Variants in MKKS observed in about 807,000 individuals in gnomAD.
The protein encoded by MKKS is molecular chaperone MKKS.
In MKKS, 29 loss-of-function variants were observed where a neutral mutation model predicts 33.2. The observed-to-expected ratio is 0.87, with a 90% CI of 0.65 to 1.19. The LOEUF (loss-of-function observed/expected upper bound fraction) is 1.19, where lower values mean the gene tolerates loss of function less well. Ranked by LOEUF, MKKS falls within the 50% of genes most tolerant of loss-of-function variation. The probability of loss-of-function intolerance (pLI) is 0.00; values close to 1 mark genes in which losing one functional copy is unlikely to be tolerated. For missense variants in MKKS, 661 were observed against 662.3 expected (o/e 1.00, Z 0.02); for synonymous variants, 260 against 244.0 (o/e 1.07, Z -0.61).
intron 1 of MKKS, among the ~76,000 whole-genome samples, chr20:10,427,063 C>CACACACACACACACACACAA (rs2065020661): frequency 6.9e-6 from 1 of 145,394 alleles, no homozygotes; most frequent in African/African-American, 2.5e-5. Flanking sequence ...CACACACACA[C>CACACACACACACACACACAA]ACACACACAC....
chr20:10,430,138 A>G (rs552534442), intron 1 of MKKS, among the ~76,000 whole-genome samples: 2 of 152,374 alleles, frequency 1.3e-5, no homozygotes, highest in South Asian at 4.1e-4. Context: ...TTCTTAGTAC[A>G]GCAGAAAGAA....
intron 1 of MKKS, among the ~76,000 whole-genome samples, chr20:10,429,774 C>T (rs1472482834): frequency 1.3e-5 from 2 of 152,188 alleles, no homozygotes; most frequent in South Asian, 2.1e-4. Flanking sequence ...CACATGACCT[C>T]CTTGCTTCAA....
chr20:10,409,334 A>G (rs995000385), intron 3 of MKKS, among the ~76,000 whole-genome samples: 4 of 152,246 alleles, frequency 2.6e-5, no homozygotes, highest in Non-Finnish European at 5.9e-5. Flanking sequence ...TATTTATAAA[A>G]TAGCTAACTG....
At chr20:10,407,503 C>T (rs1180635132) in intron 5 of MKKS, 113 bp downstream of exon 5, 12 of 929,770 alleles carry the variant, frequency 1.3e-5, no homozygotes, top group South Asian at 2.8e-5. Context: ...ACCCCTGAAC[C>T]TAAAAGTTAA....
intron 1 of MKKS, among the ~76,000 whole-genome samples, chr20:10,430,207 C>T (rs2122285384): frequency 6.6e-6 from 1 of 152,260 alleles, no homozygotes; most frequent in Admixed American, 6.5e-5. Flanking sequence ...CACTTTAAAT[C>T]ATTTTTGTAA....
At chr20:10,422,485 G>A (rs2064987348) in intron 1 of MKKS, among the ~76,000 whole-genome samples, 1 of 152,104 alleles carries the variant, frequency 6.6e-6, no homozygotes, top group Non-Finnish European at 1.5e-5. Context: ...ACTGGGGGAG[G>A]AATTTAGAGT....
intron 1 of MKKS, among the ~76,000 whole-genome samples, chr20:10,428,319 A>T (rs2065030189): frequency 6.6e-6 from 1 of 152,232 alleles, no homozygotes; most frequent in Non-Finnish European, 1.5e-5. Flanking sequence ...GTTCCAGATC[A>T]GATACCTAGA....
intron 2 of MKKS, among the ~76,000 whole-genome samples, chr20:10,416,223 T>C (rs1166562333): frequency 2.0e-5 from 3 of 152,108 alleles, no homozygotes; most frequent in Non-Finnish European, 4.4e-5. Context: ...TTCTTCTAAA[T>C]TAAGAGGTGC....
rs531181962 is a variant in MKKS, at chr20:10,422,797, C to T, written c.-648-2039G>A. ...TGCGATCTCAGCTCACTGCAAGCTC[C>T]GCCTCCCAGGTTCACGCCATTCTCC... On this transcript the variant is annotated intron_variant, in intron 1 of 5. Transcript: ENST00000347364. Among the ~76,000 whole-genome samples, 112 of 151,734 alleles carry T rather than the reference C, an allele frequency of 7.4e-4. 1 individual carries two copies. Among genetic ancestry groups the T allele is most frequent in the African/African-American group, 2.4e-3 (100 of 41,356 alleles).
In MKKS at chr20:10,413,638, C is replaced by A; in HGVS notation, c.-124G>T. On this transcript the variant is annotated 5_prime_UTR_variant, in exon 3 of 6. The change abolishes an upstream ATG in the 5' untranslated region. Coordinates refer to ENST00000347364, the MANE Select transcript of MKKS (RefSeq NM_170784.3). ...TAGGAATTAAAGTATGAATATGCAG[C>A]ATTGTGGCTATAAAATCAAAAAGTT... The A allele has an allele frequency of 9.3e-7, 1 of 1,077,974 alleles. No homozygotes were observed. 66.8% of individuals were successfully genotyped at this position (1,077,974 alleles called of 1,614,324 possible).
In MKKS at chr20:10,405,361, T is replaced by C; in HGVS notation, c.1599A>G (p.Ser533=). The C allele has an allele frequency of 1.2e-6, 2 of 1,614,240 alleles. No individual in the cohort carries two copies. The highest frequency in any genetic ancestry group is 1.7e-6 in the Non-Finnish European group (2 of 1,180,034). The change falls in exon 6 of 6, where the codon TCA becomes TCG. Residue 533 remains serine, a synonymous_variant. Transcript: ENST00000347364. ...AACAGTCCAAGGTCAGGTTGCTGGCTGAGCCCACAGCTTCATGTGGAAGGC... is the reference window on the plus strand; with the variant it reads ...AACAGTCCAAGGTCAGGTTGCTGGCCGAGCCCACAGCTTCATGTGGAAGGC... ...QSCLPHEAVG[S]ASNLTLDCLT... is the part of the protein sequence containing the mutation.
intron 2 of MKKS, among the ~76,000 whole-genome samples, chr20:10,417,814 C>T (rs2064951194): frequency 6.6e-6 from 1 of 151,816 alleles, no homozygotes; most frequent in Non-Finnish European, 1.5e-5. Flanking sequence ...TGAAAGTAGC[C>T]TCTTGATATA....
chr20:10,414,472 C>T (rs3790154), intron 2 of MKKS, among the ~76,000 whole-genome samples: 21,868 of 151,858 alleles, frequency 0.14, 1,769 homozygotes, highest in East Asian at 0.24. Context: ...TCCATGTTTG[C>T]CAGGTTGGTC....
At chr20:10,424,775 G>A (rs1351119784) in intron 1 of MKKS, among the ~76,000 whole-genome samples, 1 of 151,976 alleles carries the variant, frequency 6.6e-6, no homozygotes, top group African/African-American at 2.4e-5. Flanking sequence ...ATTAGAGCAG[G>A]GCACGGTGGC....
chr20:10,422,892 T>G (rs2064991198), intron 1 of MKKS, among the ~76,000 whole-genome samples: 1 of 151,936 alleles, frequency 6.6e-6, no homozygotes, highest in African/African-American at 2.4e-5. Flanking sequence ...TTTGTATTTT[T>G]AGTAGAGACA....
chr20:10,426,251 ATTC>A (rs374388305), intron 1 of MKKS, among the ~76,000 whole-genome samples: 3 of 152,332 alleles, frequency 2.0e-5, no homozygotes, highest in African/African-American at 7.2e-5. Flanking sequence ...CTACTAAGCA[ATTC>A]TTCAAGTCAA....
intron 1 of MKKS, among the ~76,000 whole-genome samples, chr20:10,424,192 T>G (rs2064999316): frequency 6.6e-6 from 1 of 152,032 alleles, no homozygotes; most frequent in South Asian, 2.1e-4. Flanking sequence ...AATTAGCACT[T>G]TAAAATGACA....
intron 2 of MKKS, among the ~76,000 whole-genome samples, chr20:10,419,118 C>T (rs1473692637): frequency 6.6e-6 from 1 of 152,066 alleles, no homozygotes; most frequent in African/African-American, 2.4e-5. Context: ...CAGACCAAGG[C>T]TTATAAATAA....
intron 5 of MKKS, 31 bp downstream of exon 5, chr20:10,407,585 C>T: frequency 6.4e-7 from 1 of 1,567,488 alleles, no homozygotes; most frequent in Non-Finnish European, 8.8e-7. Flanking sequence ...GCTGAGAATT[C>T]AGGTAATCCG....
Sources: gnomAD v4.1 joint callset for allele counts (sites outside exome capture counted in the v4.1 genomes callset) on GRCh38, gnomAD v4.1.1 for gene constraint, MANE v1.5 for transcripts, NCBI Gene and HGNC (gene_info 2026-07-23, HGNC 2026-07-21) for gene names.